USF2: variants seen among roughly 807,000 people sequenced by gnomAD.
USF2 encodes the protein upstream transcription factor 2, c-fos interacting.
In USF2, 16 loss-of-function variants were observed where a neutral mutation model predicts 46.9. That is an observed-to-expected ratio of 0.34 (90% CI 0.23 to 0.52). USF2 has a LOEUF of 0.52. Among genes scored for constraint, USF2 ranks in the 20% least tolerant of loss-of-function variants. The pLI, the probability that USF2 is intolerant of heterozygous loss-of-function variation, is 0.96. For synonymous variants in USF2, 239 were observed against 194.1 expected, an observed-to-expected ratio of 1.23 and a Z score of -1.92; for missense variants, 411 against 474.0, an observed-to-expected ratio of 0.87 and a Z score of 1.23.
Position 35,278,979 on chromosome 19 carries a change from T to G in USF2, c.856T>G (p.Tyr286Asp). The G allele has an allele frequency of 6.4e-7, 1 of 1,555,104 alleles. No homozygotes were observed. The highest frequency in any genetic ancestry group is 8.7e-7 in the Non-Finnish European group (1 of 1,149,694). The part of the protein sequence containing the change: ...KGGILSKACD[Y>D]IRELRQTNQR... The stretch of plus-strand genomic sequence containing the variant: ...AGGGATCCTGTCCAAGGCCTGCGAT[T>G]ACATCCGGGAGTTGCGCCAGACCAA... The change falls in exon 9 of 10, where the codon TAC (tyrosine) becomes GAC (aspartate). Residue 286 changes from tyrosine (Y) to aspartate (D), a missense_variant. By Grantham distance (160) the Tyr-to-Asp change is radical (BLOSUM62 -3). Around this residue, in one of 2 missense-constraint regions of USF2, gnomAD observed 93 missense variants for 151.6 expected, o/e 0.61. Transcript: ENST00000222305.
At chr19:35,273,048 C>G (rs1036902236) in intron 7 of USF2, among the ~76,000 whole-genome samples, 1 of 151,760 alleles carries the variant, frequency 6.6e-6, no homozygotes, top group Non-Finnish European at 1.5e-5. Context: ...TCAGAACCCT[C>G]CCACCCCACT....
rs1010034780 is a variant in USF2, at chr19:35,270,491, C to A, written c.474C>A (p.Ala158=). Residue 158 remains alanine, a synonymous_variant, in exon 5 of 10, where the codon GCC becomes GCA. Coordinates refer to ENST00000222305, the MANE Select transcript of USF2 (RefSeq NM_003367.4). ...TCAGCAATGGTGGCAGTCCGGCGGC[C>A]GAGGCTGTCAGCGGGGAGGCACGAT... ...NPFSNGGSPA[A]EAVSGEARFA... is the part of the protein sequence containing the mutation. 1.2e-5 allele frequency: 20 copies of A among 1,613,902 alleles called. No individual in the cohort carries two copies. The Admixed American group carries it at 2.3e-4, about 19-fold the overall frequency.
In USF2 at chr19:35,279,217, G is replaced by A; in HGVS notation, c.1002G>A (p.Gln334=). The change falls in exon 10 of 10, where the codon CAG becomes CAA. Residue 334 remains glutamine, a synonymous_variant. Transcript: ENST00000222305. ...ENALLRAQLQ[Q]HNLEMVGEGT... is the part of the protein sequence containing the mutation. ...CCCTGCTTCGAGCCCAGCTGCAGCA[G>A]CACAACCTGGAGATGGTGGGCGAGG... The A allele has an allele frequency of 6.3e-7, 1 of 1,586,426 alleles. No homozygotes were observed. Among genetic ancestry groups the A allele is most frequent in the Admixed American group, 1.8e-5 (1 of 56,660 alleles).
chr19:35,269,722 G>A (rs1464659956), intron 3 of USF2, 23 bp downstream of exon 3: 3 of 1,034,062 alleles, frequency 2.9e-6, no homozygotes, highest in Non-Finnish European at 3.9e-6. Context: ...CCGCGAGGGC[G>A]AACGGGCGGG....
Position 35,270,336 on chromosome 19 carries a change from C to T in USF2, c.430-111C>T, listed in dbSNP as rs189964011. 6 of 1,433,436 alleles carry T rather than the reference C, an allele frequency of 4.2e-6. No homozygotes were observed. In the East Asian group the frequency reaches 1.2e-4, roughly 28 times the overall value. The allele number at this position is 1,433,436 out of a possible 1,614,324, so 88.8% of individuals were successfully genotyped here. A position where few individuals can be genotyped will look rare whatever the true frequency, so the allele number is the denominator to read the frequency against. On this transcript the variant is annotated intron_variant, in intron 4 of 9. Transcript: ENST00000222305. ...ACAGAATGCTACACGCAGAAGGAGT[C>T]CCCACTCCTGTTAATTGCAGAGAAT... is the stretch of plus-strand genomic sequence containing the variant.
In USF2 at chr19:35,270,703, C is replaced by T. The variant is rs1414958892; in HGVS notation, c.581-15C>T. 1 of 1,613,908 alleles carries T rather than the reference C, an allele frequency of 6.2e-7. No individual in the cohort carries two copies. Among genetic ancestry groups the T allele is most frequent in the African/African-American group, 1.3e-5 (1 of 74,910 alleles). On this transcript the variant is annotated splice_polypyrimidine_tract_variant and intron_variant, in intron 5 of 9. Coordinates refer to ENST00000222305, the MANE Select transcript of USF2 (RefSeq NM_003367.4). ...TTCACCCTGCCTTGCCACTAACCCCCCACTCTCCCTGCAGGCCAGTTCTAC... is the reference window on the plus strand; with the variant it reads ...TTCACCCTGCCTTGCCACTAACCCCTCACTCTCCCTGCAGGCCAGTTCTAC...
chr19:35,277,190 C>T (rs1262173280), intron 7 of USF2: 1 of 152,404 alleles, frequency 6.6e-6, no homozygotes, highest in Non-Finnish European at 1.5e-5. Flanking sequence ...TGGGAAGGTT[C>T]AGCGCACCGC....
chr19:35,273,407 T>G (rs968433828), intron 7 of USF2, among the ~76,000 whole-genome samples: 19 of 152,192 alleles, frequency 1.2e-4, no homozygotes, highest in Non-Finnish European at 1.5e-4. Flanking sequence ...CCTGTGATCT[T>G]TGCCTTTCCT....
intron 2 of USF2, 26 bp downstream of exon 2, chr19:35,269,518 C>T: frequency 1.3e-6 from 2 of 1,540,988 alleles, no homozygotes; most frequent in African/African-American, 1.4e-5. Context: ...GCCGGCCGCG[C>T]CCGGGGAGGG....
chr19:35,273,771 G>A (rs911301074), intron 7 of USF2, among the ~76,000 whole-genome samples: 5 of 152,126 alleles, frequency 3.3e-5, no homozygotes, highest in African/African-American at 4.8e-5. Context: ...GCCCAGGCTC[G>A]TCTTGAACTT....
chr19:35,279,039 C>A lies in USF2; in HGVS notation c.916C>A (p.Arg306=), dbSNP rs1315557030. 1.9e-6 allele frequency: 3 copies of A among 1,594,722 alleles called. No homozygotes were observed. The highest frequency in any genetic ancestry group is 3.6e-5 in the Admixed American group (2 of 56,178). The part of the protein sequence containing the change: ...RMQETFKEAE[R]LQMDNELLRQ... ...GCAGGAGACCTTCAAAGAGGCCGAG[C>A]GGCTGCAGATGGACAACGAGCTCCT... Residue 306 remains arginine (R), a synonymous_variant, in exon 9 of 10, where the codon CGG becomes AGG. Coordinates refer to ENST00000222305, the MANE Select transcript of USF2 (RefSeq NM_003367.4).
chr19:35,276,069 CTTTTTTTT>C (rs752967792), intron 7 of USF2, among the ~76,000 whole-genome samples: 2 of 112,028 alleles, frequency 1.8e-5, no homozygotes, highest in Admixed American at 1.1e-4. Flanking sequence ...TGAATTTTCT[CTTTTTTTT>C]TTTTTTTTTT....
intron 7 of USF2, 55 bp downstream of exon 7, chr19:35,271,196 C>T (rs1209029437): frequency 1.2e-6 from 2 of 1,606,806 alleles, no homozygotes; most frequent in Non-Finnish European, 1.7e-6. Context: ...ACAGGCTCAG[C>T]CAGCCCTGGA....
At position 35,279,384 on chromosome 19, in the gene USF2, A is replaced by G; in HGVS notation, c.*128A>G. 1.9e-6 allele frequency: 2 copies of G among 1,055,048 alleles called. No homozygotes were observed. Among genetic ancestry groups the G allele is most frequent in the Non-Finnish European group, 2.6e-6 (2 of 773,200 alleles). The allele number at this position is 1,055,048 out of a possible 1,614,324, so 65.4% of individuals were successfully genotyped here. A position where few individuals can be genotyped will look rare whatever the true frequency, so the allele number is the denominator to read the frequency against. On this transcript the variant is annotated 3_prime_UTR_variant, in exon 10 of 10. Coordinates refer to ENST00000222305, the MANE Select transcript of USF2 (RefSeq NM_003367.4). ...GTTTTTTTATAGTAGATTTTTAACA[A>G]AAAACGGGGAGAAATAATGCATTTC...
chr19:35,270,942 G>C (rs1270936781), intron 6 of USF2, 137 bp downstream of exon 6: 1 of 1,416,952 alleles, frequency 7.1e-7, no homozygotes, highest in Non-Finnish European at 9.9e-7. Context: ...TGCTGCTCTA[G>C]TGCACATAAA....
intron 7 of USF2, 56 bp from the exon 8 acceptor site, chr19:35,278,642 G>A (rs1220222559): frequency 3.7e-5 from 58 of 1,577,976 alleles, no homozygotes; most frequent in Middle Eastern, 1.7e-4. Flanking sequence ...CTGTGAGGAC[G>A]GCCGCTCAGG....
At chr19:35,272,912 C>T (rs991642418) in intron 7 of USF2, among the ~76,000 whole-genome samples, 1 of 151,884 alleles carries the variant, frequency 6.6e-6, no homozygotes, top group Admixed American at 6.6e-5. Flanking sequence ...TGTGGTGGGG[C>T]GTCAGGGTGG....
rs764602073 is a variant in USF2 at position 35,270,591 on chromosome 19, G to A, written c.574G>A (p.Ala192Thr). Residue 192 changes from alanine to threonine, a missense_variant, in exon 5 of 10, where the codon GCT (alanine) becomes ACT (threonine). Ala to Thr is a moderately conservative substitution (Grantham distance 58). Coordinates refer to ENST00000222305, the MANE Select transcript of USF2 (RefSeq NM_003367.4). ...ACAGACCACAGACCAGAGCTTGCAG[G>A]CTGGAGGTGAGGAGTAGAAGTCAGA... ...SVQTTDQSLQ[A>T]GGQFYVMMTP... The A allele has an allele frequency of 1.7e-5, 27 of 1,613,486 alleles. No homozygotes were observed. The South Asian group carries it at 2.6e-4, about 16-fold the overall frequency.
Position 35,279,262 on chromosome 19 carries a change from G to T in USF2, c.*6G>T. On this transcript the variant is annotated 3_prime_UTR_variant, in exon 10 of 10. Coordinates refer to ENST00000222305, the MANE Select transcript of USF2 (RefSeq NM_003367.4). ...GCGAGGGCACCCGGCAGTGACGCCCGCCACCACCACGCAGCCGCCGCCGCC... is the reference window on the plus strand; with the variant it reads ...GCGAGGGCACCCGGCAGTGACGCCCTCCACCACCACGCAGCCGCCGCCGCC... 1 of 1,515,524 alleles carries T rather than the reference G, an allele frequency of 6.6e-7. No individual in the cohort carries two copies. Among genetic ancestry groups the T allele is most frequent in the Non-Finnish European group, 8.8e-7 (1 of 1,130,702 alleles). The allele number at this position is 1,515,524 out of a possible 1,614,324, so 93.9% of individuals were successfully genotyped here.
Sources: allele counts gnomAD v4.1 joint callset (sites outside exome capture counted in the v4.1 genomes callset), GRCh38; gene constraint gnomAD v4.1.1; regional missense constraint gnomAD v4.1.1; transcripts MANE v1.5; gene names NCBI Gene and HGNC (gene_info 2026-07-23, HGNC 2026-07-21).